The following ADGRB3 variants were observed in gnomAD, a reference collection of about 807,000 sequenced individuals.
ADGRB3 encodes the protein brain-specific angiogenesis inhibitor 3.
A neutral mutation model predicts 193.4 loss-of-function variants in ADGRB3; 37 were observed. That is an observed-to-expected ratio of 0.19 (90% CI 0.15 to 0.25). The LOEUF (loss-of-function observed/expected upper bound fraction) is 0.25, where lower values mean the gene tolerates loss of function less well. Ranked by LOEUF, ADGRB3 falls within the 10% of genes least tolerant of loss-of-function variation. ADGRB3 has a pLI of 1.00. For missense variants in ADGRB3, 1,637 were observed against 1,852.9 expected, an observed-to-expected ratio of 0.88 and a Z score of 2.14; for synonymous variants, 690 against 644.2, an observed-to-expected ratio of 1.07 and a Z score of -1.08.
intron 5 of ADGRB3, among the ~76,000 whole-genome samples, chr6:68,938,046 C>T (rs111236879): frequency 2.2e-3 from 341 of 151,888 alleles, no homozygotes; most frequent in African/African-American, 7.9e-3. Flanking sequence ...GGGAGGTTAA[C>T]AAAGCAGTAG....
At chr6:68,791,063 A>AG (rs1767097916) in intron 3 of ADGRB3, among the ~76,000 whole-genome samples, 1 of 151,956 alleles carries the variant, frequency 6.6e-6, no homozygotes. Flanking sequence ...AAAAAAAAAA[A>AG]AAAGTCTTGT....
chr6:69,081,872 A>C (rs1461460951), intron 17 of ADGRB3, among the ~76,000 whole-genome samples: 2 of 152,092 alleles, frequency 1.3e-5, no homozygotes, highest in Admixed American at 6.6e-5. Flanking sequence ...GTGAGCTATA[A>C]GGTTCAAGAA....
chr6:69,006,165 T>A (rs761661782), intron 11 of ADGRB3, among the ~76,000 whole-genome samples: 35 of 152,148 alleles, frequency 2.3e-4, no homozygotes, highest in Non-Finnish European at 4.6e-4. Flanking sequence ...CTTACTTAAT[T>A]TCATTTCAGT....
intron 18 of ADGRB3, among the ~76,000 whole-genome samples, chr6:69,234,070 A>G (rs1040398984): frequency 3.9e-5 from 6 of 152,186 alleles, no homozygotes; most frequent in Admixed American, 6.5e-5. Context: ...ATGAATGCTG[A>G]ACAATTATTA....
At chr6:68,656,144 A>G (rs1768485392) in intron 3 of ADGRB3, among the ~76,000 whole-genome samples, 1 of 151,656 alleles carries the variant, frequency 6.6e-6, no homozygotes, top group African/African-American at 2.4e-5. Context: ...GTAGGAAACT[A>G]GCAATAAAAT....
At chr6:68,692,388 C>T (rs140305838) in intron 3 of ADGRB3, among the ~76,000 whole-genome samples, 1 of 151,890 alleles carries the variant, frequency 6.6e-6, no homozygotes, top group African/African-American at 2.4e-5. Context: ...AATAACAACA[C>T]AGCAAGTGAG....
intron 24 of ADGRB3, among the ~76,000 whole-genome samples, chr6:69,335,864 TTC>T (rs751264542): frequency 2.6e-4 from 40 of 152,106 alleles, no homozygotes; most frequent in Non-Finnish European, 4.4e-4. Context: ...CTCCCATTTT[TTC>T]TGTTTCTTTG....
intron 3 of ADGRB3, among the ~76,000 whole-genome samples, chr6:68,652,087 G>T (rs1310447067): frequency 2.6e-5 from 4 of 151,920 alleles, no homozygotes; most frequent in Non-Finnish European, 4.4e-5. Context: ...AATTGAGTTT[G>T]CCTGAGTCTA....
intron 3 of ADGRB3, among the ~76,000 whole-genome samples, chr6:68,722,369 C>G (rs576513076): frequency 6.6e-6 from 1 of 151,514 alleles, no homozygotes; most frequent in Non-Finnish European, 1.5e-5. Context: ...AGGAGAAATA[C>G]CTAATGTAGA....
chr6:68,688,070 A>G (rs1469898748), intron 3 of ADGRB3, among the ~76,000 whole-genome samples: 1 of 152,170 alleles, frequency 6.6e-6, no homozygotes, highest in Admixed American at 6.5e-5. Context: ...AACCTGTCCA[A>G]AAAAATTAAG....
chr6:69,110,727 C>A (rs193166536), intron 17 of ADGRB3, among the ~76,000 whole-genome samples: 5 of 152,178 alleles, frequency 3.3e-5, no homozygotes, highest in Non-Finnish European at 7.4e-5. Flanking sequence ...AGTATAAACA[C>A]GTAGCACATA....
chr6:68,884,028 T>G (rs1437157346), intron 3 of ADGRB3, among the ~76,000 whole-genome samples: 1 of 151,692 alleles, frequency 6.6e-6, no homozygotes, highest in Non-Finnish European at 1.5e-5. Flanking sequence ...AAAAAATGAT[T>G]TGACTAGAAT....
At chr6:68,687,158 T>A (rs1764997701) in intron 3 of ADGRB3, among the ~76,000 whole-genome samples, 1 of 151,960 alleles carries the variant, frequency 6.6e-6, no homozygotes, top group Admixed American at 6.6e-5. Flanking sequence ...TGTGGTAGAA[T>A]TTCTAACAAA....
intron 3 of ADGRB3, among the ~76,000 whole-genome samples, chr6:68,786,136 G>A (rs1766963907): frequency 6.6e-6 from 1 of 151,952 alleles, no homozygotes; most frequent in Non-Finnish European, 1.5e-5. Flanking sequence ...TTCTTTTGCT[G>A]TGCAGAAGCT....
At position 68,843,133 on chromosome 6, in the gene ADGRB3, C is replaced by T. The variant is rs149887910; in HGVS notation, c.758-87426C>T. ...TAAGATCTGAAACATGATAAGGATG[C>T]GCACTTTCACTACTGTCATTCAATA... On this transcript the variant is annotated intron_variant, in intron 3 of 31. Transcript: ENST00000370598. Among the ~76,000 whole-genome samples, 82 of 151,392 alleles carry T rather than the reference C, an allele frequency of 5.4e-4. 1 individual carries two copies. Among genetic ancestry groups the T allele is most frequent in the African/African-American group, 1.8e-3 (75 of 41,348 alleles).
At chr6:68,982,587 G>T (rs1378131336) in intron 10 of ADGRB3, among the ~76,000 whole-genome samples, 2 of 152,058 alleles carry the variant, frequency 1.3e-5, no homozygotes, top group Admixed American at 1.3e-4. Context: ...CTGTCTTGAG[G>T]GTGAGACCAG....
At chr6:69,031,571 C>CTTTCTCTCTCTCT (rs1337493560) in intron 13 of ADGRB3, among the ~76,000 whole-genome samples, 7 of 106,852 alleles carry the variant, frequency 6.6e-5, no homozygotes, top group Non-Finnish European at 1.4e-4. Flanking sequence ...TTCTTTTCTT[C>CTTTCTCTCTCTCT]CTCTGTCTCT....
rs755776819 is a variant in ADGRB3 at position 69,388,711 on chromosome 6, C to T, written c.4389C>T (p.Pro1463=). The T allele has an allele frequency of 2.3e-5, 37 of 1,612,364 alleles. No homozygotes were observed. Among genetic ancestry groups the T allele is most frequent in the East Asian group, 4.5e-5 (2 of 44,806 alleles). ...CCCTCTCTTCTCAACAGGAAAACCC[C>T]GCACCAAACAAGAATCCATGGGACA... The part of the protein sequence containing the change: ...DIPNTSSMEN[P]APNKNPWDTF... The change falls in exon 32 of 32, where the codon CCC becomes CCT. Residue 1463 remains proline, a synonymous_variant. Transcript: ENST00000370598.
At chr6:68,718,057 A>G (rs1191410983) in intron 3 of ADGRB3, among the ~76,000 whole-genome samples, 1 of 151,810 alleles carries the variant, frequency 6.6e-6, no homozygotes, top group Non-Finnish European at 1.5e-5. Flanking sequence ...AAGAAGGGAT[A>G]AAGTTTCAAA....
Sources: gnomAD v4.1 joint callset for allele counts (sites outside exome capture counted in the v4.1 genomes callset) on GRCh38, gnomAD v4.1.1 for gene constraint, MANE v1.5 for transcripts, NCBI Gene and HGNC (gene_info 2026-07-23, HGNC 2026-07-21) for gene names.